Variants in CASZ1 observed in about 807,000 individuals in gnomAD.
CASZ1 encodes the protein zinc finger protein castor homolog 1.
CASZ1 carries 28 observed loss-of-function variants against 135.2 expected under a neutral mutation model. The observed-to-expected ratio is 0.21, with a 90% CI of 0.15 to 0.28. The LOEUF is 0.28. Ranked by LOEUF, CASZ1 falls within the 10% of genes least tolerant of loss-of-function variation. CASZ1 has a pLI of 1.00. For missense variants in CASZ1, 2,161 were observed against 2,453.3 expected (o/e 0.88, Z 2.52); for synonymous variants, 1,068 against 1,073.4 (o/e 0.99, Z 0.10).
chr1:10,640,081 A>G (rs1388836494), intron 20 of CASZ1, 22 bp from the exon 21 acceptor site: 14 of 1,586,142 alleles, frequency 8.8e-6, no homozygotes, highest in Non-Finnish European at 1.2e-5. Flanking sequence ...CAGGGAGGTC[A>G]GTGCAGAAGA....
Position 10,647,729 on chromosome 1 carries a change from T to G in CASZ1, c.3497+72A>C. ...ATCCGCAGTGAGGAACAGGGCCTCC[T>G]AGCGCCCTTGCTAGCACCTACTCCC... On this transcript the variant is annotated intron_variant, in intron 16 of 20. Transcript: ENST00000377022. The surrounding 1 kb of genome is among the most constrained non-coding windows in gnomAD (Gnocchi z 4.9). 2 of 1,599,554 alleles carry G rather than the reference T, an allele frequency of 1.3e-6. No individual in the cohort carries two copies. The highest frequency in any genetic ancestry group is 1.7e-6 in the Non-Finnish European group (2 of 1,178,094).
Position 10,654,038 on chromosome 1 carries a change from G to C in CASZ1, c.2019C>G (p.Ala673=). 1 of 1,614,234 alleles carries C rather than the reference G, an allele frequency of 6.2e-7. No homozygotes were observed. Among genetic ancestry groups the C allele is most frequent in the Non-Finnish European group, 8.5e-7 (1 of 1,180,036 alleles). ...KATNHFHCIR[A]GCGFTFTSTS... ...TGGAGGTGAAGGTGAAGCCGCAGCCGGCGCGGATGCAGTGGAAGTGGTTGG... is the reference window on the plus strand; with the variant it reads ...TGGAGGTGAAGGTGAAGCCGCAGCCCGCGCGGATGCAGTGGAAGTGGTTGG... The change falls in exon 11 of 21, where the codon GCC becomes GCG. Residue 673 remains alanine (A), a synonymous_variant. Coordinates refer to ENST00000377022, the MANE Select transcript of CASZ1 (RefSeq NM_001079843.3).
In CASZ1 at chr1:10,647,438, G is replaced by A. The variant is rs1349600801; in HGVS notation, c.3497+363C>T. On this transcript the variant is annotated intron_variant, in intron 16 of 20. Transcript: ENST00000377022. This position sits in a 1 kb window ranked among gnomAD's most constrained non-coding sequence, Gnocchi z 4.9. ...TCAGCCATGGGTGTGAGCCACAGAG[G>A]AGGCCAATACGGAGGCTCGGAGGGA... 8.6e-7 allele frequency: 1 copy of A among 1,158,054 alleles called. No homozygotes were observed. Among genetic ancestry groups the A allele is most frequent in the Non-Finnish European group, 1.1e-6 (1 of 932,618 alleles). 71.7% of individuals were successfully genotyped at this position (1,158,054 alleles called of 1,614,324 possible).
Position 10,699,084 on chromosome 1 carries a change from T to C in CASZ1, c.-23-5172A>G, listed in dbSNP as rs1280034566. Among the ~76,000 whole-genome samples, 1 of 152,170 alleles carries C rather than the reference T, an allele frequency of 6.6e-6. No homozygotes were observed. Among genetic ancestry groups the C allele is most frequent in the Non-Finnish European group, 1.5e-5 (1 of 68,022 alleles). On this transcript the variant is annotated intron_variant, in intron 3 of 20. Transcript: ENST00000377022. This position sits in a 1 kb window ranked among gnomAD's most constrained non-coding sequence, Gnocchi z 4.6. ...TGGACAGGTATCACACATGGCTCCA[T>C]GGCCCAGAGGCTGCTTGCTCCAGGG...
chr1:10,729,272 A>C (rs559792041), intron 2 of CASZ1, among the ~76,000 whole-genome samples: 6 of 152,228 alleles, frequency 3.9e-5, no homozygotes, highest in Admixed American at 3.9e-4. Context: ...AGACGGCTGC[A>C]GGGGGGCTTC....
At chr1:10,671,486 G>A (rs946206153) in intron 4 of CASZ1, among the ~76,000 whole-genome samples, 2 of 152,192 alleles carry the variant, frequency 1.3e-5, no homozygotes, top group African/African-American at 4.8e-5. Flanking sequence ...GGCTTCGGGT[G>A]AGCCTAGGAC....
intron 2 of CASZ1, among the ~76,000 whole-genome samples, chr1:10,705,824 G>A (rs771636583): frequency 1.3e-5 from 2 of 152,374 alleles, no homozygotes; most frequent in Middle Eastern, 3.4e-3. Context: ...CTAGCCAGGC[G>A]GAGAAGAGTC....
In CASZ1 at chr1:10,767,129, C is replaced by T. The variant is rs1429017985; in HGVS notation, c.-233-6272G>A. ...AACGAGGAGTGGGGAAAAGATGGGGCCCGGTCGTCCGCATTCCTCATGAGT... is the reference window on the plus strand; with the variant it reads ...AACGAGGAGTGGGGAAAAGATGGGGTCCGGTCGTCCGCATTCCTCATGAGT... On this transcript the variant is annotated intron_variant, in intron 1 of 20. Coordinates refer to ENST00000377022, the MANE Select transcript of CASZ1 (RefSeq NM_001079843.3). The surrounding 1 kb of genome is among the most constrained non-coding windows in gnomAD (Gnocchi z 4.2). 6.6e-6 allele frequency among the ~76,000 whole-genome samples: 1 copy of T among 152,012 alleles called. No individual in the cohort carries two copies. The highest frequency in any genetic ancestry group is 6.6e-5 in the Admixed American group (1 of 15,262).
In CASZ1 at chr1:10,720,715, G is replaced by A. The variant is rs573679488; in HGVS notation, c.-76-15171C>T. ...CCAGAAAACTTTCCATCTGGGGAGAGGGAGGACGGCTGGCAAAGAATGAGA... is the reference window on the plus strand; with the variant it reads ...CCAGAAAACTTTCCATCTGGGGAGAAGGAGGACGGCTGGCAAAGAATGAGA... On this transcript the variant is annotated intron_variant, in intron 2 of 20. Transcript: ENST00000377022. This position sits in a 1 kb window ranked among gnomAD's most constrained non-coding sequence, Gnocchi z 5.7. 6.6e-6 allele frequency among the ~76,000 whole-genome samples: 1 copy of A among 152,360 alleles called. No individual in the cohort carries two copies. The highest frequency in any genetic ancestry group is 2.4e-5 in the African/African-American group (1 of 41,586).
At chr1:10,733,873 G>T (rs1222517879) in intron 2 of CASZ1, among the ~76,000 whole-genome samples, 1 of 152,218 alleles carries the variant, frequency 6.6e-6, no homozygotes. Flanking sequence ...CTGCCTCACA[G>T]GGCTGCTGAA....
chr1:10,738,100 G>C (rs78581889), intron 2 of CASZ1, among the ~76,000 whole-genome samples: 1,783 of 152,306 alleles, frequency 0.012, 41 homozygotes, highest in African/African-American at 0.04. Flanking sequence ...GGGTGGGGAC[G>C]AGCAATCGAG....
chr1:10,772,768 C>T (rs1570580013), intron 1 of CASZ1, among the ~76,000 whole-genome samples: 1 of 152,214 alleles, frequency 6.6e-6, no homozygotes, highest in African/African-American at 2.4e-5. Context: ...CACAGACTCT[C>T]TCCCAGGGCA....
chr1:10,643,561 C>T (rs1642274251), intron 18 of CASZ1, among the ~76,000 whole-genome samples: 1 of 152,248 alleles, frequency 6.6e-6, no homozygotes, highest in African/African-American at 2.4e-5. Flanking sequence ...GGCAGGCCCC[C>T]ATCCCCTGGC....
In CASZ1 at chr1:10,709,397, G is replaced by A. The variant is rs1226451379; in HGVS notation, c.-76-3853C>T. On this transcript the variant is annotated intron_variant, in intron 2 of 20. Transcript: ENST00000377022. This position sits in a 1 kb window ranked among gnomAD's most constrained non-coding sequence, Gnocchi z 5.1. ...GCCCGGCAGTGTGAGGAGGGGGGCG[G>A]CATAGACAACAGGGGCAGCGTCATG... Among the ~76,000 whole-genome samples, 1 of 152,188 alleles carries A rather than the reference G, an allele frequency of 6.6e-6. No individual in the cohort carries two copies. Among genetic ancestry groups the A allele is most frequent in the Non-Finnish European group, 1.5e-5 (1 of 68,032 alleles).
Position 10,660,295 on chromosome 1 carries a change from G to A in CASZ1, c.747C>T (p.Gly249=). ...YEEYIRKLKA[G]EQLSWPAPST... Reference sequence around the variant, plus strand: ...TGGGGGCCGGCCAGGAGAGCTGCTCGCCAGCCTTGAGCTTGCGGATGTACT... The same window carrying A: ...TGGGGGCCGGCCAGGAGAGCTGCTCACCAGCCTTGAGCTTGCGGATGTACT... The change falls in exon 6 of 21, where the codon GGC becomes GGT. Residue 249 remains glycine (G), a synonymous_variant. Transcript: ENST00000377022. 1 of 1,614,026 alleles carries A rather than the reference G, an allele frequency of 6.2e-7. No homozygotes were observed. Among genetic ancestry groups the A allele is most frequent in the South Asian group, 1.1e-5 (1 of 91,084 alleles).
intron 4 of CASZ1, among the ~76,000 whole-genome samples, chr1:10,672,292 T>G (rs981679689): frequency 3.1e-5 from 4 of 130,710 alleles, no homozygotes; most frequent in Admixed American, 2.7e-4. Context: ...GCCTCCAACA[T>G]GCCCCGCGCC....
At chr1:10,684,304 C>A (rs537978575) in intron 4 of CASZ1, among the ~76,000 whole-genome samples, 22 of 152,296 alleles carry the variant, frequency 1.4e-4, no homozygotes, top group African/African-American at 5.3e-4. Context: ...CAGCTGCAAG[C>A]CCTTTTCTAG....
chr1:10,768,966 C>A (rs923103789), intron 1 of CASZ1, among the ~76,000 whole-genome samples: 1 of 152,116 alleles, frequency 6.6e-6, no homozygotes, highest in African/African-American at 2.4e-5. Flanking sequence ...CATGGTGAAA[C>A]CCCGTCTCTA....
rs1423876488 is a variant in CASZ1 at position 10,757,466 on chromosome 1, T to C, written c.-77+3235A>G. On this transcript the variant is annotated intron_variant, in intron 2 of 20. Coordinates refer to ENST00000377022, the MANE Select transcript of CASZ1 (RefSeq NM_001079843.3). The surrounding 1 kb of genome is among the most constrained non-coding windows in gnomAD (Gnocchi z 4.6). ...GCTGCCCCTCTGGCCTCCCAATTTC[T>C]TCCCTTGGCAGCCCCAACTACCTTT... is the stretch of plus-strand genomic sequence containing the variant. Among the ~76,000 whole-genome samples the C allele has an allele frequency of 6.6e-6, 1 of 152,102 alleles. No homozygotes were observed. The highest frequency in any genetic ancestry group is 1.5e-5 in the Non-Finnish European group (1 of 68,020).
Sources: allele counts gnomAD v4.1 joint callset (sites outside exome capture counted in the v4.1 genomes callset), GRCh38; gene constraint gnomAD v4.1.1; non-coding constraint Gnocchi (gnomAD v3.1); transcripts MANE v1.5; gene names NCBI Gene and HGNC (gene_info 2026-07-23, HGNC 2026-07-21).